CHRND: variants seen among roughly 807,000 people sequenced by gnomAD.
The protein encoded by CHRND is acetylcholine receptor subunit delta.
CHRND carries 40 observed loss-of-function variants against 57.8 expected under a neutral mutation model. The ratio of observed to expected loss-of-function variants is 0.69; its 90% CI spans 0.54 to 0.90. The LOEUF (loss-of-function observed/expected upper bound fraction) is 0.90, where lower values mean the gene tolerates loss of function less well. CHRND is among the 40% of genes least tolerant of loss of function. CHRND has a pLI of 0.00. For synonymous variants in CHRND, 237 were observed against 270.6 expected, an observed-to-expected ratio of 0.88 and a Z score of 1.22; for missense variants, 634 against 673.9, an observed-to-expected ratio of 0.94 and a Z score of 0.66.
At position 232,528,559 on chromosome 2, in the gene CHRND, T is replaced by C; in HGVS notation, c.412T>C (p.Phe138Leu). 6.2e-7 allele frequency: 1 copy of C among 1,614,116 alleles called. No individual in the cohort carries two copies. The highest frequency in any genetic ancestry group is 8.5e-7 in the Non-Finnish European group (1 of 1,180,024). The part of the protein sequence containing the change: ...SCNVLVYHYG[F>L]VYWLPPAIFR... ...CAACGTGCTTGTCTACCACTACGGC[T>C]TCGTGTACTGGCTGCCACCTGCCAT... Residue 138 changes from phenylalanine (F) to leucine (L), a missense_variant, in exon 5 of 12, where the codon TTC (phenylalanine) becomes CTC (leucine). Phe to Leu is a conservative substitution (Grantham distance 22). Coordinates refer to ENST00000258385, the MANE Select transcript of CHRND (RefSeq NM_000751.3).
chr2:232,527,512 A>AG, intron 3 of CHRND, 67 bp downstream of exon 3: 8 of 1,185,066 alleles, frequency 6.8e-6, no homozygotes, highest in East Asian at 2.3e-5. Flanking sequence ...TGGAAGGCCG[A>AG]GGGGGGTGGA....
At chr2:232,533,832 G>A (rs577674868) in intron 9 of CHRND, 99 bp from the exon 10 acceptor site, 17 of 1,233,200 alleles carry the variant, frequency 1.4e-5, no homozygotes, top group African/African-American at 7.4e-5. Flanking sequence ...AGCCGAGATC[G>A]CGCCACTGCA....
In CHRND at chr2:232,535,330, G is replaced by C. The variant is rs373219771; in HGVS notation, c.*18G>C. 1.1e-5 allele frequency: 17 copies of C among 1,611,244 alleles called. No homozygotes were observed. The African/African-American group carries it at 1.9e-4, about 18-fold the overall frequency. ...TCATCTAGGGTGGGCCTGTTGGGGA[G>C]CCAGGAGACAGCAGGGTCTGAGAGA... is the stretch of plus-strand genomic sequence containing the variant. On this transcript the variant is annotated 3_prime_UTR_variant, in exon 12 of 12. Transcript: ENST00000258385.
At position 232,535,498 on chromosome 2, in the gene CHRND, T is replaced by TG; in HGVS notation, c.*188dup. ...AAATCAAGACAGGGGCCACCCGAGA[T>TG]GGTCTGAGGGTGGACATCGGCTACA... On this transcript the variant is annotated 3_prime_UTR_variant, in exon 12 of 12. Transcript: ENST00000258385. The TG allele has an allele frequency of 1.3e-6, 1 of 791,414 alleles. No individual in the cohort carries two copies. The highest frequency in any genetic ancestry group is 2.1e-6 in the Non-Finnish European group (1 of 470,512). The allele number at this position is 791,414 out of a possible 1,614,324, so 49.0% of individuals were successfully genotyped here.
chr2:232,530,450 C>T (rs142621439), intron 7 of CHRND, among the ~76,000 whole-genome samples: 2 of 152,208 alleles, frequency 1.3e-5, no homozygotes, highest in Admixed American at 6.5e-5. Context: ...AGTGTGTGAC[C>T]GTGGGCCTGG....
intron 7 of CHRND, among the ~76,000 whole-genome samples, chr2:232,530,830 C>T (rs1691661899): frequency 6.6e-6 from 1 of 152,098 alleles, no homozygotes; most frequent in South Asian, 2.1e-4. Flanking sequence ...GCAGGGGAGC[C>T]CCCCTTCCCG....
At chr2:232,531,946 C>CAAAAAAAA (rs778006115) in intron 9 of CHRND, among the ~76,000 whole-genome samples, 17 of 46,064 alleles carry the variant, frequency 3.7e-4, no homozygotes, top group African/African-American at 1.9e-3. Context: ...GACCTTGTCT[C>CAAAAAAAA]AAAAAAAAAA....
chr2:232,526,557 G>T lies in CHRND; in HGVS notation c.81G>T (p.Arg27=). ...GCTGGGGGCTGAACGAGGAGGAGCG[G>T]CTGATCCGGCACCTGTTTCAAGAGA... ...CGSWGLNEEE[R]LIRHLFQEKG... Residue 27 remains arginine (R), a synonymous_variant, in exon 2 of 12, where the codon CGG becomes CGT. Transcript: ENST00000258385. The T allele has an allele frequency of 6.2e-7, 1 of 1,613,730 alleles. No individual in the cohort carries two copies. Among genetic ancestry groups the T allele is most frequent in the Non-Finnish European group, 8.5e-7 (1 of 1,180,028 alleles).
chr2:232,533,958 C>T lies in CHRND; in HGVS notation c.1075C>T (p.Leu359=). The T allele has an allele frequency of 6.2e-7, 1 of 1,613,364 alleles. No individual in the cohort carries two copies. The highest frequency in any genetic ancestry group is 8.5e-7 in the Non-Finnish European group (1 of 1,179,976). The change falls in exon 10 of 12, where the codon CTG becomes TTG. Residue 359 remains leucine, a synonymous_variant. Coordinates refer to ENST00000258385, the MANE Select transcript of CHRND (RefSeq NM_000751.3). ...KLFLETLPEL[L]HMSRPAEDGP... ...CTTCCTGGAGACCCTGCCGGAGCTCCTGCACATGTCCCGCCCAGCAGAGGA... is the reference window on the plus strand; with the variant it reads ...CTTCCTGGAGACCCTGCCGGAGCTCTTGCACATGTCCCGCCCAGCAGAGGA...
rs1410941796 is a variant in CHRND at position 232,531,619 on chromosome 2, C to T, written c.1010C>T (p.Thr337Ile). 6.2e-7 allele frequency: 1 copy of T among 1,613,858 alleles called. No homozygotes were observed. The highest frequency in any genetic ancestry group is 1.7e-5 in the Admixed American group (1 of 60,022). The change falls in exon 9 of 12, where the codon ACA becomes ATA. Residue 337 changes from threonine (T) to isoleucine (I), a missense_variant. Transcript: ENST00000258385. ...CVIVLNIHFR[T>I]PSTHVLSEGV... ...ATCGTGCTCAACATCCACTTCCGAA[C>T]ACCCAGCACCCATGTGCTGTCTGAG...
At chr2:232,529,645 G>C (rs1691608835) in intron 6 of CHRND, among the ~76,000 whole-genome samples, 1 of 152,174 alleles carries the variant, frequency 6.6e-6, no homozygotes, top group Admixed American at 6.5e-5. Flanking sequence ...ACCTGTTTTT[G>C]GCTCGTGTAT....
At chr2:232,527,668 C>A (rs1015617731) in intron 3 of CHRND, among the ~76,000 whole-genome samples, 3 of 152,168 alleles carry the variant, frequency 2.0e-5, no homozygotes, top group African/African-American at 4.8e-5. Context: ...GGTGTGAACG[C>A]AGGAGGCGGA....
chr2:232,528,986 C>T lies in CHRND; in HGVS notation c.619+15C>T, dbSNP rs762572696. 62 of 1,601,632 alleles carry T rather than the reference C, an allele frequency of 3.9e-5. No individual in the cohort carries two copies. The highest frequency in any genetic ancestry group is 3.0e-4 in the South Asian group (27 of 90,834). On this transcript the variant is annotated intron_variant, in intron 6 of 11. Coordinates refer to ENST00000258385, the MANE Select transcript of CHRND (RefSeq NM_000751.3). ...AGGCTTCACAGGTGCTGGGAACAGCCGCCAGTGGGTGGGCAGGTCCCTCAG... is the reference window on the plus strand; with the variant it reads ...AGGCTTCACAGGTGCTGGGAACAGCTGCCAGTGGGTGGGCAGGTCCCTCAG...
rs2767 is a variant in CHRND, at chr2:232,535,364, A to C, written c.*52A>C. On this transcript the variant is annotated 3_prime_UTR_variant, in exon 12 of 12. Coordinates refer to ENST00000258385, the MANE Select transcript of CHRND (RefSeq NM_000751.3). ...CAGCAGGGTCTGAGAGAGGAGCCAC[A>C]GTCCCTAATGACACCCACTCCTAGC... 1 of 1,597,704 alleles carries C rather than the reference A, an allele frequency of 6.3e-7. No individual in the cohort carries two copies. Among genetic ancestry groups the C allele is most frequent in the South Asian group, 1.1e-5 (1 of 90,932 alleles).
chr2:232,529,810 G>A (rs1465195455), intron 6 of CHRND, 129 bp from the exon 7 acceptor site: 4 of 906,262 alleles, frequency 4.4e-6, no homozygotes, highest in Non-Finnish European at 6.7e-6. Flanking sequence ...ACCCACCAAC[G>A]GGACCCCGTA....
At chr2:232,533,835 C>T (rs1691791833) in intron 9 of CHRND, 96 bp from the exon 10 acceptor site, 1 of 1,269,444 alleles carries the variant, frequency 7.9e-7, no homozygotes, top group Non-Finnish European at 1.1e-6. Flanking sequence ...CGAGATCGCG[C>T]CACTGCACTC....
rs112921420 is a variant in CHRND at position 232,528,555 on chromosome 2, C to T, written c.408C>T (p.Tyr136=). ...CCTGCAACGTGCTTGTCTACCACTA[C>T]GGCTTCGTGTACTGGCTGCCACCTG... The part of the protein sequence containing the change: ...SYSCNVLVYH[Y]GFVYWLPPAI... The change falls in exon 5 of 12, where the codon TAC becomes TAT. Residue 136 remains tyrosine (Y), a synonymous_variant. Coordinates refer to ENST00000258385, the MANE Select transcript of CHRND (RefSeq NM_000751.3). 1.2e-4 allele frequency: 199 copies of T among 1,614,168 alleles called. No homozygotes were observed. In the African/African-American group the frequency reaches 1.8e-3, roughly 14 times the overall value.
At chr2:232,534,367 T>C (rs1299287410) in intron 11 of CHRND, 25 bp downstream of exon 11, 8 of 1,605,720 alleles carry the variant, frequency 5.0e-6, no homozygotes, top group Non-Finnish European at 6.8e-6. Flanking sequence ...GATTGCCATG[T>C]ACAGGTGTTC....
chr2:232,529,768 G>A (rs796570261), intron 6 of CHRND, among the ~76,000 whole-genome samples, 171 bp from the exon 7 acceptor site: 7 of 152,248 alleles, frequency 4.6e-5, no homozygotes, highest in African/African-American at 1.7e-4. Flanking sequence ...CTCACAGATG[G>A]AAACTTCCAT....
Sources: gnomAD v4.1 joint callset for allele counts (sites outside exome capture counted in the v4.1 genomes callset) on GRCh38, gnomAD v4.1.1 for gene constraint, MANE v1.5 for transcripts, NCBI Gene and HGNC (gene_info 2026-07-23, HGNC 2026-07-21) for gene names.